PDE10A: variants seen among roughly 807,000 people sequenced by gnomAD.
PDE10A encodes cAMP and cAMP-inhibited cGMP 3',5'-cyclic phosphodiesterase 10A.
In PDE10A, 39 loss-of-function variants were observed where a neutral mutation model predicts 97.7. That is an observed-to-expected ratio of 0.40 (90% confidence interval 0.31 to 0.52). The LOEUF is 0.52. Among genes scored for constraint, PDE10A ranks in the 20% least tolerant of loss-of-function variants. The pLI is 0.56. For synonymous variants in PDE10A, 371 were observed against 376.8 expected, an observed-to-expected ratio of 0.98 and a Z score of 0.18; for missense variants, 731 against 1,047.8, an observed-to-expected ratio of 0.70 and a Z score of 4.17.
At chr6:165,460,175 G>A (rs1347074489) in intron 3 of PDE10A, among the ~76,000 whole-genome samples, 9 of 152,178 alleles carry the variant, frequency 5.9e-5, no homozygotes, top group African/African-American at 2.2e-4. Context: ...TCTGCCTGGG[G>A]AACCCCCACA....
intron 2 of PDE10A, among the ~76,000 whole-genome samples, chr6:165,523,031 A>G (rs896297907): frequency 3.3e-5 from 5 of 150,360 alleles, no homozygotes; most frequent in Non-Finnish European, 7.4e-5. Flanking sequence ...AATAGCCACA[A>G]AAATAAAAAA....
At chr6:165,497,383 G>C (rs1370056022) in intron 2 of PDE10A, among the ~76,000 whole-genome samples, 1 of 152,078 alleles carries the variant, frequency 6.6e-6, no homozygotes, top group African/African-American at 2.4e-5. Context: ...TTCTCCTATA[G>C]AAAATGTAAC....
chr6:165,688,758 T>C (rs9347085), intron 1 of PDE10A, among the ~76,000 whole-genome samples: 7,632 of 152,220 alleles, frequency 0.05, 471 homozygotes, highest in African/African-American at 0.14. Flanking sequence ...AGGCATTGTA[T>C]AAAGAAACTC....
chr6:165,384,010 T>C (rs576934328), intron 17 of PDE10A, among the ~76,000 whole-genome samples: 1 of 152,178 alleles, frequency 6.6e-6, no homozygotes, highest in African/African-American at 2.4e-5. Context: ...TCTGTAGTCC[T>C]GGAACAGACA....
chr6:165,353,723 T>A (rs1360307490), intron 18 of PDE10A, among the ~76,000 whole-genome samples: 1 of 152,122 alleles, frequency 6.6e-6, no homozygotes, highest in Non-Finnish European at 1.5e-5. Context: ...TGCCAGGAGT[T>A]GCGGAGAGTG....
chr6:165,860,317 G>A (rs983495580), intron 1 of PDE10A, among the ~76,000 whole-genome samples: 3 of 152,162 alleles, frequency 2.0e-5, no homozygotes, highest in Non-Finnish European at 2.9e-5. Context: ...GCCAGGCATG[G>A]TGGCATATGC....
chr6:165,374,077 T>A, intron 18 of PDE10A, among the ~76,000 whole-genome samples: 1 of 100,750 alleles, frequency 9.9e-6, no homozygotes, highest in African/African-American at 4.0e-5. Flanking sequence ...CTGGGGACTG[T>A]TGTGGGGTGG....
chr6:165,656,923 A>G (rs979160971), intron 1 of PDE10A, among the ~76,000 whole-genome samples: 3 of 152,212 alleles, frequency 2.0e-5, no homozygotes, highest in Non-Finnish European at 4.4e-5. Flanking sequence ...TACACCTTGG[A>G]ATCCTGAGTC....
At chr6:165,744,686 C>G (rs887350118) in intron 1 of PDE10A, among the ~76,000 whole-genome samples, 1 of 152,024 alleles carries the variant, frequency 6.6e-6, no homozygotes, top group East Asian at 1.9e-4. Context: ...CACAGAAGTA[C>G]TGTTTTGACG....
At chr6:165,764,268 T>C (rs1259511649) in intron 1 of PDE10A, among the ~76,000 whole-genome samples, 4 of 152,246 alleles carry the variant, frequency 2.6e-5, no homozygotes, top group Non-Finnish European at 5.9e-5. Flanking sequence ...ACAGTAAGGA[T>C]AATATTAGTG....
At chr6:165,855,789 C>T (rs756677904) in intron 1 of PDE10A, among the ~76,000 whole-genome samples, 4 of 152,024 alleles carry the variant, frequency 2.6e-5, no homozygotes, top group Non-Finnish European at 5.9e-5. Context: ...AATAAGAGCA[C>T]GTCAGGCAGT....
At chr6:165,945,259 G>T (rs1335413797) in intron 1 of PDE10A, among the ~76,000 whole-genome samples, 1 of 152,126 alleles carries the variant, frequency 6.6e-6, no homozygotes, top group Admixed American at 6.5e-5. Flanking sequence ...TCCAGCCCCA[G>T]TAAAACTTCA....
chr6:165,870,385 C>A (rs1006882756), intron 1 of PDE10A, among the ~76,000 whole-genome samples: 1 of 152,110 alleles, frequency 6.6e-6, no homozygotes. Context: ...AAAAGCAAAT[C>A]AAAATCACAA....
chr6:165,599,504 G>A (rs1310355090), intron 1 of PDE10A, among the ~76,000 whole-genome samples: 1 of 152,128 alleles, frequency 6.6e-6, no homozygotes, highest in African/African-American at 2.4e-5. Context: ...AAAAGTCAAA[G>A]GAACCCCTAG....
intron 21 of PDE10A, among the ~76,000 whole-genome samples, chr6:165,334,396 TCCATAGCGCCCTACAGCGCCGGGCACGC>T (rs1180271331): frequency 2.7e-5 from 4 of 147,558 alleles, no homozygotes; most frequent in South Asian, 2.2e-4. Context: ...GGCACGCGCC[TCCATAGCGCCCTACAGCGCCGGGCACGC>T]GCCTCTATAG....
chr6:165,455,940 C>T (rs73035726), intron 3 of PDE10A, among the ~76,000 whole-genome samples: 5 of 152,194 alleles, frequency 3.3e-5, no homozygotes, highest in African/African-American at 1.2e-4. Context: ...TACATAATTA[C>T]AGAATTTACA....
intron 1 of PDE10A, among the ~76,000 whole-genome samples, chr6:165,797,096 C>T (rs1778850447): frequency 6.6e-6 from 1 of 152,182 alleles, no homozygotes; most frequent in African/African-American, 2.4e-5. Context: ...CAAATGGGTG[C>T]AAGTGACCCT....
intron 1 of PDE10A, among the ~76,000 whole-genome samples, chr6:165,752,161 A>G (rs1027628442): frequency 2.6e-5 from 4 of 151,214 alleles, no homozygotes; most frequent in African/African-American, 7.3e-5. Context: ...AAAAGTGGGT[A>G]AAAGTAGGTA....
chr6:165,637,566 C>T (rs1020397032), intron 1 of PDE10A, among the ~76,000 whole-genome samples: 14 of 152,206 alleles, frequency 9.2e-5, no homozygotes, highest in African/African-American at 3.1e-4. Flanking sequence ...TTCTGGAGAA[C>T]GTCCTGTGTG....
Sources: allele counts gnomAD v4.1 joint callset (sites outside exome capture counted in the v4.1 genomes callset), GRCh38; gene constraint gnomAD v4.1.1; transcripts MANE v1.5; gene names NCBI Gene and HGNC (gene_info 2026-07-23, HGNC 2026-07-21).